The following AGBL4 variants were observed in gnomAD, a reference collection of about 807,000 sequenced individuals.
AGBL4 encodes AGBL carboxypeptidase 4.
In AGBL4, 58 loss-of-function variants were observed where a neutral mutation model predicts 66.4. The ratio of observed to expected loss-of-function variants is 0.87; its 90% confidence interval spans 0.71 to 1.09. The LOEUF (loss-of-function observed/expected upper bound fraction) is 1.09. Among genes scored for constraint, AGBL4 ranks in the 50% least tolerant of loss-of-function variants. The pLI, the probability that AGBL4 is intolerant of heterozygous loss-of-function variation, is 0.00. For missense variants in AGBL4, 579 were observed against 631.0 expected (o/e 0.92, Z 0.88); for synonymous variants, 234 against 222.9 (o/e 1.05, Z -0.44).
intron 5 of AGBL4, among the ~76,000 whole-genome samples, chr1:48,982,669 C>T (rs956371653): frequency 5.3e-5 from 8 of 152,094 alleles, no homozygotes; most frequent in African/African-American, 1.7e-4. Context: ...CATACGTGTG[C>T]ATGTGTTTTT....
At chr1:48,886,367 C>G (rs1293866276) in intron 5 of AGBL4, among the ~76,000 whole-genome samples, 1 of 152,056 alleles carries the variant, frequency 6.6e-6, no homozygotes, top group Non-Finnish European at 1.5e-5. Flanking sequence ...TGAAAAAGTA[C>G]CTGGATATCC....
chr1:49,678,409 C>G (rs1197826400), intron 3 of AGBL4, among the ~76,000 whole-genome samples: 1 of 152,056 alleles, frequency 6.6e-6, no homozygotes, highest in African/African-American at 2.4e-5. Flanking sequence ...TTTCAAAGAA[C>G]CCACTTTTGC....
At chr1:49,662,390 A>G (rs188854924) in intron 3 of AGBL4, among the ~76,000 whole-genome samples, 63 of 152,224 alleles carry the variant, frequency 4.1e-4, no homozygotes, top group Admixed American at 9.8e-4. Flanking sequence ...AAAATAGTTT[A>G]AAAGACAAAA....
At position 49,126,810 on chromosome 1, in the gene AGBL4, C is replaced by A. The variant is rs534500577; in HGVS notation, c.378-81010G>T. On this transcript the variant is annotated intron_variant, in intron 4 of 13. Transcript: ENST00000371839. ...TGTTTTCCCTGACTAGACATAGCTC[C>A]CTAGCAATGGGACTTTCTCAGTTTT... Among the ~76,000 whole-genome samples, 5 of 152,176 alleles carry A rather than the reference C, an allele frequency of 3.3e-5. No individual in the cohort carries two copies. In the East Asian group the frequency reaches 9.7e-4, roughly 29 times the overall value.
At chr1:49,033,677 T>C (rs1664409380) in intron 5 of AGBL4, among the ~76,000 whole-genome samples, 1 of 152,122 alleles carries the variant, frequency 6.6e-6, no homozygotes, top group Non-Finnish European at 1.5e-5. Context: ...TGCCAAACTC[T>C]GTATCTTCAA....
rs1571699519 is a variant in AGBL4, at chr1:49,845,156, C to A, written c.157+6240G>T. 1.4e-5 allele frequency: 19 copies of A among 1,399,000 alleles called. No individual in the cohort carries two copies. The East Asian group carries it at 4.3e-4, about 32-fold the overall frequency. 86.7% of individuals were successfully genotyped at this position (1,399,000 alleles called of 1,614,324 possible). A position where few individuals can be genotyped will look rare whatever the true frequency, so the allele number is the denominator to read the frequency against. On this transcript the variant is annotated intron_variant, in intron 2 of 13. Transcript: ENST00000371839. ...CACCGTACGCATACAGGACAGAGACCTTATGAATGTCACAAATGAGGAAAA... is the reference window on the plus strand; with the variant it reads ...CACCGTACGCATACAGGACAGAGACATTATGAATGTCACAAATGAGGAAAA...
chr1:49,554,929 A>C (rs948114787), intron 3 of AGBL4, among the ~76,000 whole-genome samples: 4 of 152,154 alleles, frequency 2.6e-5, no homozygotes, highest in Non-Finnish European at 5.9e-5. Flanking sequence ...TCAGGAGTGA[A>C]GCTGCAGACC....
At chr1:49,533,223 A>ATTTTTCTTTAATCTATTCTTTAATT (rs1558027769) in intron 3 of AGBL4, among the ~76,000 whole-genome samples, 2 of 151,980 alleles carry the variant, frequency 1.3e-5, no homozygotes, top group Admixed American at 6.6e-5. Flanking sequence ...CAGGTAATCC[A>ATTTTTCTTTAATCTATTCTTTAATT]TGTTTCTGCT....
intron 2 of AGBL4, among the ~76,000 whole-genome samples, chr1:49,776,074 A>G (rs1158309395): frequency 6.6e-6 from 1 of 152,114 alleles, no homozygotes; most frequent in African/African-American, 2.4e-5. Context: ...AAAACAACCA[A>G]TGACAATGCT....
chr1:48,856,339 T>C (rs1466993820), intron 6 of AGBL4, among the ~76,000 whole-genome samples: 2 of 152,244 alleles, frequency 1.3e-5, no homozygotes, highest in Admixed American at 1.3e-4. Flanking sequence ...TTTCTGCATA[T>C]AGACAAGAAC....
intron 1 of AGBL4, among the ~76,000 whole-genome samples, chr1:50,018,637 A>G (rs1055350910): frequency 6.6e-6 from 1 of 152,118 alleles, no homozygotes; most frequent in African/African-American, 2.4e-5. Context: ...CTTTCTTAAT[A>G]TATATAGATC....
intron 6 of AGBL4, among the ~76,000 whole-genome samples, chr1:48,704,169 T>C (rs1243298084): frequency 1.3e-5 from 2 of 152,224 alleles, no homozygotes; most frequent in Non-Finnish European, 2.9e-5. Context: ...AAGTGATCTA[T>C]CTAGACATGT....
intron 4 of AGBL4, among the ~76,000 whole-genome samples, chr1:49,162,383 T>A (rs1468178059): frequency 1.3e-5 from 2 of 152,158 alleles, no homozygotes; most frequent in Non-Finnish European, 2.9e-5. Flanking sequence ...ATGTATAAAT[T>A]CCAGATCATA....
intron 4 of AGBL4, among the ~76,000 whole-genome samples, chr1:49,098,120 T>C (rs565661557): frequency 1.3e-5 from 2 of 152,318 alleles, no homozygotes; most frequent in African/African-American, 4.8e-5. Flanking sequence ...ACTTACTGAC[T>C]TACTGTGGTA....
At chr1:49,424,008 C>T in intron 3 of AGBL4, among the ~76,000 whole-genome samples, 1 of 152,024 alleles carries the variant, frequency 6.6e-6, no homozygotes, top group Non-Finnish European at 1.5e-5. Context: ...TCTCTGCTTC[C>T]TTCTCTGGCC....
chr1:48,648,803 T>G (rs1645880051), intron 8 of AGBL4, among the ~76,000 whole-genome samples: 1 of 152,228 alleles, frequency 6.6e-6, no homozygotes, highest in Non-Finnish European at 1.5e-5. Flanking sequence ...AGAATCCAGT[T>G]TGTTAAATTA....
chr1:48,532,562 C>G (rs1360639073), downstream of AGBL4, among the ~76,000 whole-genome samples: 2 of 152,174 alleles, frequency 1.3e-5, no homozygotes, highest in African/African-American at 2.4e-5. Flanking sequence ...ACTATTGCCT[C>G]TCTCATCTTA....
chr1:49,143,731 C>T (rs1163522395), intron 4 of AGBL4, among the ~76,000 whole-genome samples: 1 of 152,008 alleles, frequency 6.6e-6, no homozygotes, highest in East Asian at 1.9e-4. Context: ...CAGTCCAAAC[C>T]ATCTACTTAC....
chr1:49,370,148 T>C (rs572640508), intron 3 of AGBL4, among the ~76,000 whole-genome samples: 268 of 36,694 alleles, frequency 7.3e-3, no homozygotes, highest in Non-Finnish European at 0.021. Context: ...ATAATAATTA[T>C]ATATATATTA....
Sources: gnomAD v4.1 joint callset for allele counts (sites outside exome capture counted in the v4.1 genomes callset) on GRCh38, gnomAD v4.1.1 for gene constraint, MANE v1.5 for transcripts, NCBI Gene and HGNC (gene_info 2026-07-23, HGNC 2026-07-21) for gene names.